Variants in GTF2IRD1 observed in about 807,000 individuals in gnomAD.
GTF2IRD1 encodes general transcription factor II-I repeat domain-containing protein 1.
Under a neutral mutation model 113.2 loss-of-function variants are expected in GTF2IRD1, and 26 were observed. That is an observed-to-expected ratio of 0.23 (90% CI 0.17 to 0.32). The LOEUF is 0.32. GTF2IRD1 is among the 10% of genes least tolerant of loss of function. The probability of loss-of-function intolerance (pLI) is 1.00; values close to 1 mark genes in which losing one functional copy is unlikely to be tolerated. For missense variants in GTF2IRD1, 864 were observed against 1,280.8 expected, an observed-to-expected ratio of 0.67 and a Z score of 4.97; for synonymous variants, 484 against 529.1, an observed-to-expected ratio of 0.91 and a Z score of 1.17.
In GTF2IRD1 at chr7:74,555,987, C is replaced by T. The variant is rs1554356728; in HGVS notation, c.2023+493C>T. Among the ~76,000 whole-genome samples the T allele has an allele frequency of 6.6e-6, 1 of 152,176 alleles. No individual in the cohort carries two copies. Among genetic ancestry groups the T allele is most frequent in the Non-Finnish European group, 1.5e-5 (1 of 68,012 alleles). ...ATCAGAGGCCGAGTGCAGTGGCTCA[C>T]GCCTGTAATCCCAGCACTTTGGGCG... is the stretch of plus-strand genomic sequence containing the variant. On this transcript the variant is annotated intron_variant, in intron 19 of 26. Transcript: ENST00000424337. This position sits in a 1 kb window ranked among gnomAD's most constrained non-coding sequence, Gnocchi z 5.3.
intron 1 of GTF2IRD1, among the ~76,000 whole-genome samples, chr7:74,485,614 C>G (rs556304799): frequency 1.4e-5 from 2 of 144,268 alleles, no homozygotes; most frequent in Admixed American, 1.4e-4. Context: ...AAGACTCCAT[C>G]TCAAAGAAAA....
intron 1 of GTF2IRD1, among the ~76,000 whole-genome samples, chr7:74,482,490 A>T (rs940249864): frequency 6.6e-6 from 1 of 151,930 alleles, no homozygotes; most frequent in Non-Finnish European, 1.5e-5. Flanking sequence ...AGCCTCCCAA[A>T]GTGCTGGGAT....
rs112897208 is a variant in GTF2IRD1, at chr7:74,455,567, G to C, written c.-7+1391G>C. Among the ~76,000 whole-genome samples the C allele has an allele frequency of 9.6e-3, 1,460 of 152,326 alleles. 22 individuals carry two copies. Among genetic ancestry groups the C allele is most frequent in the African/African-American group, 0.032 (1,328 of 41,566 alleles). On this transcript the variant is annotated intron_variant, in intron 1 of 26. Transcript: ENST00000424337. ...AGCAGGAGGAGGTGGCTGGAGGCTG[G>C]TGGCTGCTGGCAGGGAGGGGCTAGG...
intron 22 of GTF2IRD1, among the ~76,000 whole-genome samples, chr7:74,580,201 A>G (rs1562888571): frequency 6.6e-6 from 1 of 152,162 alleles, no homozygotes; most frequent in South Asian, 2.1e-4. Flanking sequence ...CCAGGCTGGA[A>G]TGCAGTGGTG....
Position 74,512,996 on chromosome 7 carries a change from G to T in GTF2IRD1, c.265+25G>T, listed in dbSNP as rs1554343481. On this transcript the variant is annotated intron_variant, in intron 3 of 26. Coordinates refer to ENST00000424337, the MANE Select transcript of GTF2IRD1 (RefSeq NM_005685.4). The surrounding 1 kb of genome is among the most constrained non-coding windows in gnomAD (Gnocchi z 4.4). ...CGTGAGTACCCCAGGGCTCCGGAGG[G>T]CCGGGCCCGCCATTTCCCGAGGGCA... 6.2e-7 allele frequency: 1 copy of T among 1,604,386 alleles called. No homozygotes were observed. The highest frequency in any genetic ancestry group is 8.5e-7 in the Non-Finnish European group (1 of 1,175,422).
chr7:74,583,156 T>C (rs1554366634), intron 22 of GTF2IRD1, among the ~76,000 whole-genome samples: 1 of 152,092 alleles, frequency 6.6e-6, no homozygotes, highest in African/African-American at 2.4e-5. Context: ...CTGCACGTAG[T>C]ATGTGCCAAG....
At chr7:74,545,548 C>T (rs2130655797) in intron 15 of GTF2IRD1, among the ~76,000 whole-genome samples, 196 bp from the exon 16 acceptor site, 1 of 152,286 alleles carries the variant, frequency 6.6e-6, no homozygotes, top group Non-Finnish European at 1.5e-5. Flanking sequence ...ATTTCGCAAA[C>T]AAGAATGTGA....
At chr7:74,527,851 A>G (rs1797698124) in intron 8 of GTF2IRD1, among the ~76,000 whole-genome samples, 1 of 152,228 alleles carries the variant, frequency 6.6e-6, no homozygotes, top group South Asian at 2.1e-4. Flanking sequence ...GGAAAAAAAA[A>G]AAGTATTTGA....
Position 74,559,061 on chromosome 7 carries a change from G to C in GTF2IRD1, c.2291+17G>C. On this transcript the variant is annotated intron_variant, in intron 21 of 26. Transcript: ENST00000424337. ...AGTCACCAGGTACTCAGTGGGAAGGGTGAGGGTGAAGAGGCAGGACTAGCT... is the reference window on the plus strand; with the variant it reads ...AGTCACCAGGTACTCAGTGGGAAGGCTGAGGGTGAAGAGGCAGGACTAGCT... The C allele has an allele frequency of 1.2e-6, 2 of 1,609,232 alleles. No homozygotes were observed. The highest frequency in any genetic ancestry group is 1.7e-6 in the Non-Finnish European group (2 of 1,176,742).
At chr7:74,530,036 C>A in intron 9 of GTF2IRD1, 119 bp downstream of exon 9, 1 of 676,806 alleles carries the variant, frequency 1.5e-6, no homozygotes, top group East Asian at 2.9e-5. Flanking sequence ...ATGGCAAAAC[C>A]CCGTCTCTAT....
intron 8 of GTF2IRD1, among the ~76,000 whole-genome samples, chr7:74,528,561 G>A (rs1405729992): frequency 2.6e-5 from 4 of 151,978 alleles, no homozygotes; most frequent in African/African-American, 9.7e-5. Flanking sequence ...AGATGAGTGT[G>A]GATGTAGTGT....
At chr7:74,544,245 C>T (rs1188959754) in intron 14 of GTF2IRD1, among the ~76,000 whole-genome samples, 5 of 152,180 alleles carry the variant, frequency 3.3e-5, no homozygotes, top group African/African-American at 1.2e-4. Flanking sequence ...GGCTGGAGTG[C>T]AATAGCATGA....
intron 14 of GTF2IRD1, among the ~76,000 whole-genome samples, chr7:74,542,077 C>G (rs1258541103): frequency 2.7e-5 from 4 of 150,132 alleles, no homozygotes; most frequent in Non-Finnish European, 3.0e-5. Flanking sequence ...GTCTGGGTGC[C>G]ACAGCAAGAC....
At chr7:74,524,175 G>T in intron 8 of GTF2IRD1, 21 bp downstream of exon 8, 3 of 1,538,050 alleles carry the variant, frequency 2.0e-6, no homozygotes, top group African/African-American at 2.7e-5. Flanking sequence ...GGCGCGGCCC[G>T]CCGTGTGGCC....
chr7:74,574,953 C>T (rs1203984940), intron 22 of GTF2IRD1, among the ~76,000 whole-genome samples: 2 of 151,976 alleles, frequency 1.3e-5, no homozygotes, highest in Non-Finnish European at 2.9e-5. Context: ...AGCCCAGCAT[C>T]ATGACACACA....
chr7:74,577,468 A>G (rs2130914614), intron 22 of GTF2IRD1, among the ~76,000 whole-genome samples: 1 of 152,292 alleles, frequency 6.6e-6, no homozygotes, highest in East Asian at 1.9e-4. Context: ...CTTCGTGCCT[A>G]AATGTTTCAA....
intron 1 of GTF2IRD1, among the ~76,000 whole-genome samples, chr7:74,454,447 C>T (rs1165297037): frequency 6.6e-6 from 1 of 151,980 alleles, no homozygotes; most frequent in Admixed American, 6.5e-5. Context: ...TCCTTGCCAC[C>T]GGCTCTTCTG....
At chr7:74,463,645 C>T (rs570655397) in intron 1 of GTF2IRD1, among the ~76,000 whole-genome samples, 99 of 152,188 alleles carry the variant, frequency 6.5e-4, no homozygotes, top group African/African-American at 2.2e-3. Flanking sequence ...CCCCAGGGGC[C>T]ACCAAGGAGC....
chr7:74,457,813 C>A (rs1793084871), intron 1 of GTF2IRD1, among the ~76,000 whole-genome samples: 2 of 151,204 alleles, frequency 1.3e-5, no homozygotes, highest in South Asian at 4.2e-4. Flanking sequence ...CCTGCAGGGC[C>A]AATTTATAAA....
Sources: allele counts gnomAD v4.1 joint callset (sites outside exome capture counted in the v4.1 genomes callset), GRCh38; gene constraint gnomAD v4.1.1; non-coding constraint Gnocchi (gnomAD v3.1); transcripts MANE v1.5; gene names NCBI Gene and HGNC (gene_info 2026-07-23, HGNC 2026-07-21).